The following KIF13A variants were observed in gnomAD, a reference collection of about 807,000 sequenced individuals.
KIF13A encodes the protein kinesin family member 13A, also known as kinesin-like protein KIF13A.
In KIF13A, 79 loss-of-function variants were observed where a neutral mutation model predicts 212.2. The observed-to-expected ratio is 0.37, with a 90% CI of 0.31 to 0.45. The LOEUF is 0.45. Among genes scored for constraint, KIF13A ranks in the 20% least tolerant of loss-of-function variants. The pLI, the probability that KIF13A is intolerant of heterozygous loss-of-function variation, is 1.00. For missense variants in KIF13A, 1,901 were observed against 2,209.0 expected, an observed-to-expected ratio of 0.86 and a Z score of 2.79; for synonymous variants, 789 against 808.6, an observed-to-expected ratio of 0.98 and a Z score of 0.41.
chr6:17,970,842 C>T (rs919050195), intron 2 of KIF13A, among the ~76,000 whole-genome samples: 8 of 152,302 alleles, frequency 5.3e-5, no homozygotes, highest in Middle Eastern at 3.4e-3. Flanking sequence ...CTCTTGGCTA[C>T]AACACTTGAT....
In KIF13A at chr6:17,872,390, C is replaced by T. The variant is rs1770096805; in HGVS notation, c.220+987G>A. ...CTTATAAGTAGAAATAAGGAGAAAACACTCAGTAGGAAGAAATAGTTCACG... is the reference window on the plus strand; with the variant it reads ...CTTATAAGTAGAAATAAGGAGAAAATACTCAGTAGGAAGAAATAGTTCACG... On this transcript the variant is annotated intron_variant, in intron 4 of 38. Coordinates refer to ENST00000259711, the MANE Select transcript of KIF13A (RefSeq NM_022113.6). This position sits in a 1 kb window ranked among gnomAD's most constrained non-coding sequence, Gnocchi z 4.7. Among the ~76,000 whole-genome samples, 1 of 152,062 alleles carries T rather than the reference C, an allele frequency of 6.6e-6. No homozygotes were observed. Among genetic ancestry groups the T allele is most frequent in the South Asian group, 2.1e-4 (1 of 4,836 alleles).
Position 17,900,221 on chromosome 6 carries a change from T to C in KIF13A, c.147-2041A>G, listed in dbSNP as rs1405533843. Among the ~76,000 whole-genome samples the C allele has an allele frequency of 6.6e-6, 1 of 152,210 alleles. No individual in the cohort carries two copies. ...CCCAGTGAGCTCTCTGGAGTTCTCT[T>C]ATGTGCCCTTTATGCCACAGCCACA... is the stretch of plus-strand genomic sequence containing the variant. On this transcript the variant is annotated intron_variant, in intron 2 of 38. Coordinates refer to ENST00000259711, the MANE Select transcript of KIF13A (RefSeq NM_022113.6). The surrounding 1 kb of genome is among the most constrained non-coding windows in gnomAD (Gnocchi z 4.6).
chr6:17,955,479 A>G lies in KIF13A; in HGVS notation c.146+31575T>C, dbSNP rs143654994. On this transcript the variant is annotated intron_variant, in intron 2 of 38. Coordinates refer to ENST00000259711, the MANE Select transcript of KIF13A (RefSeq NM_022113.6). ...ATCTGACCAAACAAATTACCTATAC[A>G]ATAAGTAAAATCTTCCCTATAATTT... 1.6e-3 allele frequency among the ~76,000 whole-genome samples: 250 copies of G among 152,330 alleles called. 1 individual carries two copies. The highest frequency in any genetic ancestry group is 1.5e-3 in the Non-Finnish European group (101 of 68,044).
intron 2 of KIF13A, among the ~76,000 whole-genome samples, chr6:17,965,686 A>C (rs939231142): frequency 3.9e-5 from 6 of 152,234 alleles, no homozygotes; most frequent in Non-Finnish European, 8.8e-5. Flanking sequence ...TTACTTATCC[A>C]GTGGCTTTAT....
chr6:17,814,755 G>A (rs1480627272), intron 17 of KIF13A, among the ~76,000 whole-genome samples: 4 of 152,174 alleles, frequency 2.6e-5, no homozygotes, highest in Admixed American at 6.5e-5. Context: ...ACTGGACTAT[G>A]GCAAGAACAC....
intron 3 of KIF13A, among the ~76,000 whole-genome samples, chr6:17,877,251 A>G (rs1445527222): frequency 2.0e-5 from 3 of 152,132 alleles, no homozygotes; most frequent in Non-Finnish European, 4.4e-5. Flanking sequence ...TGATGTACTC[A>G]ACTTACATCA....
rs1422334330 is a variant in KIF13A, at chr6:17,783,231, T to C, written c.3544+415A>G. ...GTTCTAGACTTGCCCAGGTTCCATC[T>C]AATTGCAATATGAAGGACAACCCCT... On this transcript the variant is annotated intron_variant, in intron 29 of 38. Coordinates refer to ENST00000259711, the MANE Select transcript of KIF13A (RefSeq NM_022113.6). The surrounding 1 kb of genome is among the most constrained non-coding windows in gnomAD (Gnocchi z 4.3). Among the ~76,000 whole-genome samples the C allele has an allele frequency of 6.6e-6, 1 of 152,224 alleles. No homozygotes were observed. The highest frequency in any genetic ancestry group is 1.5e-5 in the Non-Finnish European group (1 of 68,040).
Position 17,942,379 on chromosome 6 carries a change from G to T in KIF13A, c.147-44199C>A, listed in dbSNP as rs1173825822. On this transcript the variant is annotated intron_variant, in intron 2 of 38. Transcript: ENST00000259711. The stretch of plus-strand genomic sequence containing the variant: ...ATATATTTCTGTTCATTGAAATTTA[G>T]ACTTTGCCACACCAGAACAATCTGA... Among the ~76,000 whole-genome samples, 3 of 151,132 alleles carry T rather than the reference G, an allele frequency of 2.0e-5. No homozygotes were observed. In the East Asian group the frequency reaches 5.8e-4, roughly 29 times the overall value.
intron 2 of KIF13A, among the ~76,000 whole-genome samples, chr6:17,979,330 C>T (rs1383084488): frequency 2.0e-5 from 3 of 152,120 alleles, no homozygotes; most frequent in Non-Finnish European, 2.9e-5. Flanking sequence ...AACAAACTAT[C>T]CTTATGAATG....
chr6:17,902,192 G>A (rs1294458597), intron 2 of KIF13A, among the ~76,000 whole-genome samples: 1 of 152,102 alleles, frequency 6.6e-6, no homozygotes, highest in Non-Finnish European at 1.5e-5. Context: ...AGGTTTGATT[G>A]CTGACTCCTT....
At chr6:17,942,194 C>G (rs938808880) in intron 2 of KIF13A, among the ~76,000 whole-genome samples, 1 of 151,736 alleles carries the variant, frequency 6.6e-6, no homozygotes, top group African/African-American at 2.4e-5. Context: ...CCCAGCTACT[C>G]GGGAGGCTGA....
At chr6:17,862,878 G>A (rs997014479) in intron 4 of KIF13A, among the ~76,000 whole-genome samples, 4 of 152,216 alleles carry the variant, frequency 2.6e-5, no homozygotes, top group African/African-American at 7.2e-5. Flanking sequence ...AACCCGGGAG[G>A]TGGATGTCGC....
intron 2 of KIF13A, among the ~76,000 whole-genome samples, chr6:17,959,079 G>A (rs972187318): frequency 3.3e-5 from 5 of 151,626 alleles, no homozygotes; most frequent in African/African-American, 1.2e-4. Flanking sequence ...ATTTTGTAGA[G>A]ATGGGGTCTC....
chr6:17,963,762 G>A lies in KIF13A; in HGVS notation c.146+23292C>T, dbSNP rs1456834205. Among the ~76,000 whole-genome samples the A allele has an allele frequency of 6.6e-6, 1 of 152,146 alleles. No individual in the cohort carries two copies. Among genetic ancestry groups the A allele is most frequent in the African/African-American group, 2.4e-5 (1 of 41,450 alleles). On this transcript the variant is annotated intron_variant, in intron 2 of 38. Coordinates refer to ENST00000259711, the MANE Select transcript of KIF13A (RefSeq NM_022113.6). The surrounding 1 kb of genome is among the most constrained non-coding windows in gnomAD (Gnocchi z 4.1). Reference sequence around the variant, plus strand: ...AGTAGAGACAGGGTTCCACCATGTTGGCCAAGCTGGTTTCATACTCCTGAC... The same window carrying A: ...AGTAGAGACAGGGTTCCACCATGTTAGCCAAGCTGGTTTCATACTCCTGAC...
intron 6 of KIF13A, among the ~76,000 whole-genome samples, chr6:17,854,982 C>T (rs796112161): frequency 1.3e-5 from 2 of 152,156 alleles, no homozygotes; most frequent in African/African-American, 4.8e-5. Context: ...TGAATACAGT[C>T]TCTATGGGTG....
chr6:17,972,742 C>T (rs1179052725), intron 2 of KIF13A, among the ~76,000 whole-genome samples: 1 of 151,732 alleles, frequency 6.6e-6, no homozygotes, highest in African/African-American at 2.4e-5. Context: ...GGAGTGTCTC[C>T]CCAAGACAAT....
At chr6:17,848,558 C>CTTTTTTTTTTTTTT (rs66477046) in intron 9 of KIF13A, among the ~76,000 whole-genome samples, 1 of 68,856 alleles carries the variant, frequency 1.5e-5, no homozygotes, top group Non-Finnish European at 2.7e-5. Context: ...ACTCGTACAT[C>CTTTTTTTTTTTTTT]TTTTTTTTTT....
intron 2 of KIF13A, among the ~76,000 whole-genome samples, chr6:17,977,924 TGTG>T (rs1780726621): frequency 6.6e-6 from 1 of 152,246 alleles, no homozygotes; most frequent in Non-Finnish European, 1.5e-5. Flanking sequence ...CAAAGTTACC[TGTG>T]CAAAAACATT....
chr6:17,911,981 CT>C (rs1425802687), intron 2 of KIF13A, among the ~76,000 whole-genome samples: 2 of 152,044 alleles, frequency 1.3e-5, no homozygotes, highest in Non-Finnish European at 2.9e-5. Flanking sequence ...CGCAGGTGGT[CT>C]TGAACTCCTG....
Sources: gnomAD v4.1 joint callset for allele counts (sites outside exome capture counted in the v4.1 genomes callset) on GRCh38, gnomAD v4.1.1 for gene constraint, Gnocchi (gnomAD v3.1) non-coding constraint, MANE v1.5 for transcripts, NCBI Gene and HGNC (gene_info 2026-07-23, HGNC 2026-07-21) for gene names.